NRG4: variants seen among roughly 807,000 people sequenced by gnomAD.
The protein encoded by NRG4 is neuregulin 4.
Under a neutral mutation model 15.0 loss-of-function variants are expected in NRG4, and 10 were observed. The ratio of observed to expected loss-of-function variants is 0.67; its 90% CI spans 0.41 to 1.13. The LOEUF is 1.13. Ranked by LOEUF, NRG4 falls within the 50% of genes most tolerant of loss-of-function variation. NRG4 has a pLI of 0.00. For missense variants in NRG4, 139 were observed against 140.2 expected (o/e 0.99, Z 0.04); for synonymous variants, 41 against 50.1 (o/e 0.82, Z 0.77).
chr15:76,008,185 A>G (rs958839870), intron 3 of NRG4, among the ~76,000 whole-genome samples: 3 of 152,218 alleles, frequency 2.0e-5, no homozygotes, highest in African/African-American at 7.2e-5. Context: ...CTGCTGAGGC[A>G]CATCATGAGT....
chr15:76,037,388 TG>T (rs1381148137), intron 4 of NRG4, among the ~76,000 whole-genome samples: 1 of 152,074 alleles, frequency 6.6e-6, no homozygotes, highest in African/African-American at 2.4e-5. Context: ...TCTGTGTGCT[TG>T]GGGAGAGTGA....
intron 4 of NRG4, among the ~76,000 whole-genome samples, chr15:76,048,645 T>C (rs752652405): frequency 6.6e-6 from 1 of 150,810 alleles, no homozygotes; most frequent in East Asian, 1.9e-4. Flanking sequence ...AAAAAAATCA[T>C]AGTGCTCCCC....
rs560610136 is a variant in NRG4 at position 76,032,293 on chromosome 15, T to C, written c.-57+3651A>G. On this transcript the variant is annotated intron_variant, in intron 5 of 8. Coordinates refer to the NRG4 transcript ENST00000563910. The stretch of plus-strand genomic sequence containing the variant: ...AGTTTTTGTGAGGCCTGACTCAGGG[T>C]ACATCAGAAAAGAATGGCAAAATAT... Among the ~76,000 whole-genome samples the C allele has an allele frequency of 2.0e-5, 3 of 152,246 alleles. No homozygotes were observed. In the South Asian group the frequency reaches 6.2e-4, roughly 32 times the overall value.
In NRG4 at chr15:76,044,692, G is replaced by A. The variant is rs540785343; in HGVS notation, c.-105+7375C>T. On this transcript the variant is annotated intron_variant, in intron 4 of 8. Coordinates refer to the NRG4 transcript ENST00000563910. The stretch of plus-strand genomic sequence containing the variant: ...CTACTAAAAATACAAAAAATTAGCC[G>A]GGCATAGTGGCGGGCACCTGTAGTC... 3.7e-3 allele frequency among the ~76,000 whole-genome samples: 550 copies of A among 149,612 alleles called. 32 individuals are homozygous for A. Among genetic ancestry groups the A allele is most frequent in the African/African-American group, 0.013 (502 of 39,824 alleles).
chr15:75,953,888 T>A (rs560727637), intron 5 of NRG4, among the ~76,000 whole-genome samples: 1 of 152,358 alleles, frequency 6.6e-6, no homozygotes, highest in African/African-American at 2.4e-5. Context: ...GGTCTCACTA[T>A]GTTTCCCAGG....
rs2035953516 is a variant in NRG4, at chr15:76,049,775, T to C, written c.-105+2292A>G. Reference sequence around the variant, plus strand: ...GTAGCCTGTTTCTCATTGTTTGAAATCTCCACCCTATCCCACATTTCGGGG... The same window carrying C: ...GTAGCCTGTTTCTCATTGTTTGAAACCTCCACCCTATCCCACATTTCGGGG... On this transcript the variant is annotated intron_variant, in intron 4 of 8. Transcript: ENST00000563910. Among the ~76,000 whole-genome samples the C allele has an allele frequency of 1.3e-5, 2 of 150,840 alleles. 1 individual carries two copies. The highest frequency in any genetic ancestry group is 5.0e-5 in the African/African-American group (2 of 40,396).
At chr15:76,027,644 C>T (rs2141936893) in intron 5 of NRG4, among the ~76,000 whole-genome samples, 1 of 152,030 alleles carries the variant, frequency 6.6e-6, no homozygotes, top group East Asian at 1.9e-4. Context: ...GGTCATCTAG[C>T]CAGAAAATCA....
intron 3 of NRG4, among the ~76,000 whole-genome samples, chr15:75,965,246 A>G (rs919536279): frequency 2.6e-5 from 4 of 152,214 alleles, no homozygotes; most frequent in African/African-American, 9.6e-5. Context: ...AAAGAAAAAA[A>G]GATAAGCCAG....
chr15:75,961,052 C>T (rs2032491751), intron 4 of NRG4, among the ~76,000 whole-genome samples: 1 of 152,162 alleles, frequency 6.6e-6, no homozygotes, highest in African/African-American at 2.4e-5. Context: ...ATACAAACTT[C>T]TCAAGCCCAC....
At chr15:76,019,517 G>A (rs2035086377) in intron 5 of NRG4, among the ~76,000 whole-genome samples, 1 of 152,228 alleles carries the variant, frequency 6.6e-6, no homozygotes, top group East Asian at 1.9e-4. Flanking sequence ...TTCCTCATCT[G>A]TGGGTTGTGA....
intron 3 of NRG4, among the ~76,000 whole-genome samples, chr15:76,004,640 CAATT>C (rs889289074): frequency 4.7e-5 from 7 of 149,504 alleles, no homozygotes; most frequent in Admixed American, 1.3e-4. Context: ...ATGAATAAAT[CAATT>C]AAACACAAAA....
At chr15:76,026,716 A>G (rs900539369) in intron 5 of NRG4, among the ~76,000 whole-genome samples, 2 of 152,232 alleles carry the variant, frequency 1.3e-5, no homozygotes, top group African/African-American at 4.8e-5. Context: ...GATACACAAA[A>G]CTACCAGAAA....
At chr15:76,000,611 T>C (rs964185562) in intron 3 of NRG4, among the ~76,000 whole-genome samples, 4 of 152,212 alleles carry the variant, frequency 2.6e-5, no homozygotes, top group Admixed American at 6.5e-5. Context: ...TGGCAACATA[T>C]ATTGAAGTTA....
At chr15:75,972,867 T>G (rs1310166218) in intron 3 of NRG4, among the ~76,000 whole-genome samples, 1 of 152,196 alleles carries the variant, frequency 6.6e-6, no homozygotes, top group Non-Finnish European at 1.5e-5. Context: ...CTTTTTTGGT[T>G]CCATATGAAA....
In NRG4 at chr15:75,944,754, TTTG is replaced by T. The variant is rs764972692; in HGVS notation, c.332-1103_332-1101del. 2.4e-4 allele frequency among the ~76,000 whole-genome samples: 4 copies of T among 16,412 alleles called. No homozygotes were observed. The Non-Finnish European group carries it at 2.9e-3, about 12-fold the overall frequency. The allele number at this position is 16,412 out of a possible 152,430, so 10.8% of individuals were successfully genotyped here. A position where few individuals can be genotyped will look rare whatever the true frequency, so the allele number is the denominator to read the frequency against. On this transcript the variant is annotated intron_variant, in intron 5 of 5. Coordinates refer to ENST00000394907, the MANE Select transcript of NRG4 (RefSeq NM_138573.4). Reference sequence around the variant, plus strand: ...ATCTTGTCACATTTAGTAAAAGGCTTTTGTGTGTGTGTGTGGGGGGGTGGTTAT... The same window carrying T: ...ATCTTGTCACATTTAGTAAAAGGCTTTGTGTGTGTGTGGGGGGGTGGTTAT...
At chr15:75,975,569 G>A (rs1365848394) in intron 3 of NRG4, among the ~76,000 whole-genome samples, 1 of 152,158 alleles carries the variant, frequency 6.6e-6, no homozygotes, top group African/African-American at 2.4e-5. Flanking sequence ...CTCAGCATTT[G>A]CTTGTCTGTA....
chr15:76,035,377 C>A (rs1332303154), intron 5 of NRG4, among the ~76,000 whole-genome samples: 1 of 152,164 alleles, frequency 6.6e-6, no homozygotes, highest in East Asian at 1.9e-4. Context: ...CAAAGGAGAA[C>A]AGGATTGTTA....
intron 5 of NRG4, chr15:75,950,451 G>T: frequency 4.4e-6 from 1 of 228,292 alleles, no homozygotes; most frequent in South Asian, 8.0e-5. Context: ...TCTACAGATG[G>T]GGACAGTCCC....
At chr15:75,967,983 C>T (rs946256161) in intron 3 of NRG4, among the ~76,000 whole-genome samples, 6 of 152,126 alleles carry the variant, frequency 3.9e-5, no homozygotes, top group African/African-American at 1.4e-4. Flanking sequence ...ATTTTATTTA[C>T]TAAAACTAGC....
Sources: allele counts gnomAD v4.1 joint callset (sites outside exome capture counted in the v4.1 genomes callset), GRCh38; gene constraint gnomAD v4.1.1; transcripts MANE v1.5; gene names NCBI Gene and HGNC (gene_info 2026-07-23, HGNC 2026-07-21).